Variants in TGS1 observed in about 807,000 individuals in gnomAD.
TGS1 encodes trimethylguanosine synthase 1.
In TGS1, 69 loss-of-function variants were observed where a neutral mutation model predicts 92.2. The ratio of observed to expected loss-of-function variants is 0.75; its 90% CI spans 0.62 to 0.91. The LOEUF is 0.91. TGS1 is among the 40% of genes least tolerant of loss of function. TGS1 has a pLI of 0.00. For synonymous variants in TGS1, 345 were observed against 338.1 expected (o/e 1.02, Z -0.22); for missense variants, 1,062 against 1,001.2 (o/e 1.06, Z -0.82).
rs1245382453 is a variant in TGS1, at chr8:55,789,389, ATTC to A, written c.1163-787_1163-785del. Among the ~76,000 whole-genome samples, 8 of 152,278 alleles carry A rather than the reference ATTC, an allele frequency of 5.3e-5. No homozygotes were observed. In the South Asian group the frequency reaches 1.2e-3, roughly 24 times the overall value. ...CTATATTAAAGGCAAATGAAGAGAAATTCTTCTTAATCAATGTGATTATGCCCC... is the reference window on the plus strand; with the variant it reads ...CTATATTAAAGGCAAATGAAGAGAAATTCTTAATCAATGTGATTATGCCCC... On this transcript the variant is annotated intron_variant, in intron 4 of 12. Coordinates refer to ENST00000260129, the MANE Select transcript of TGS1 (RefSeq NM_024831.8).
At chr8:55,775,851 A>G (rs1397118066) in intron 1 of TGS1, among the ~76,000 whole-genome samples, 1 of 152,122 alleles carries the variant, frequency 6.6e-6, no homozygotes, top group Non-Finnish European at 1.5e-5. Flanking sequence ...TTTAAAGACA[A>G]GAAGAGATGG....
At chr8:55,812,753 G>C (rs1445429329) in intron 11 of TGS1, among the ~76,000 whole-genome samples, 1 of 152,102 alleles carries the variant, frequency 6.6e-6, no homozygotes, top group Admixed American at 6.5e-5. Context: ...ATAAAATTTA[G>C]AGTGTAGACT....
In TGS1 at chr8:55,782,801, G is replaced by A. The variant is rs1316954974; in HGVS notation, c.155G>A (p.Gly52Asp). The A allele has an allele frequency of 1.2e-6, 2 of 1,608,270 alleles. No homozygotes were observed. The highest frequency in any genetic ancestry group is 8.5e-7 in the Non-Finnish European group (1 of 1,177,034). Residue 52 changes from glycine (G) to aspartate (D), a missense_variant, in exon 2 of 13, where the codon GGC becomes GAC. Coordinates refer to ENST00000260129, the MANE Select transcript of TGS1 (RefSeq NM_024831.8). The part of the protein sequence containing the change: ...GLKGYYIRDS[G>D]NNSGDQATEE... ...AAAGGCTATTACATCAGAGACAGTGGCAACAATTCAGGTAATATAGTATAA... is the reference window on the plus strand; with the variant it reads ...AAAGGCTATTACATCAGAGACAGTGACAACAATTCAGGTAATATAGTATAA...
chr8:55,774,310 A>G (rs977361331), intron 1 of TGS1, among the ~76,000 whole-genome samples: 3 of 152,206 alleles, frequency 2.0e-5, no homozygotes, highest in Admixed American at 2.0e-4. Flanking sequence ...TGTTTCCTTT[A>G]TATTAAATGC....
In TGS1 at chr8:55,777,689, A is replaced by G. The variant is rs1811439238; in HGVS notation, c.101+3970A>G. 1.3e-5 allele frequency among the ~76,000 whole-genome samples: 2 copies of G among 151,928 alleles called. 1 individual carries two copies. The highest frequency in any genetic ancestry group is 4.2e-4 in the South Asian group (2 of 4,818). ...CAAGTAGCTGGGATTACAGGAGTGC[A>G]CCACCATACCCGGCTAATTTCTGTA... On this transcript the variant is annotated intron_variant, in intron 1 of 12. Transcript: ENST00000260129.
intron 1 of TGS1, among the ~76,000 whole-genome samples, chr8:55,778,851 A>G (rs983009041): frequency 6.6e-6 from 1 of 152,226 alleles, no homozygotes; most frequent in Admixed American, 6.5e-5. Flanking sequence ...TATATTCAGC[A>G]TTTATTTCAG....
rs781626463 is a variant in TGS1 at position 55,796,044 on chromosome 8, G to A, written c.1434G>A (p.Lys478=). The change falls in exon 7 of 13, where the codon AAG becomes AAA. Residue 478 remains lysine, a synonymous_variant. Transcript: ENST00000260129. The part of the protein sequence containing the change: ...VRYLEKNVKL[K]SKYLDMRRQI... ...ATTTAGAGAAGAATGTGAAGCTTAA[G>A]TCTAAGTACCTAGACATGCGCAGAC... 3 of 1,613,396 alleles carry A rather than the reference G, an allele frequency of 1.9e-6. No individual in the cohort carries two copies. The highest frequency in any genetic ancestry group is 2.7e-5 in the African/African-American group (2 of 74,906).
intron 12 of TGS1, among the ~76,000 whole-genome samples, chr8:55,822,597 G>A (rs1223546924): frequency 2.0e-5 from 3 of 147,656 alleles, no homozygotes; most frequent in Non-Finnish European, 3.0e-5. Flanking sequence ...CTGGCATAAA[G>A]ATACCAAAAT....
chr8:55,786,800 T>G lies in TGS1; in HGVS notation c.902T>G (p.Met301Arg), dbSNP rs767655821. 5.0e-6 allele frequency: 8 copies of G among 1,614,184 alleles called. No homozygotes were observed. In the South Asian group the frequency reaches 8.8e-5, roughly 18 times the overall value. ...GTATCTTTTCCATCTTCACCTATTA[T>G]GGTTGATAATGATAGCTCTGGTACA... The part of the protein sequence containing the change: ...DLVSFPSSPI[M>R]VDNDSSGTSD... Residue 301 changes from methionine to arginine, a missense_variant, in exon 4 of 13, where the codon ATG becomes AGG. Transcript: ENST00000260129.
At chr8:55,821,475 C>T (rs1188003520) in intron 12 of TGS1, among the ~76,000 whole-genome samples, 18 of 152,170 alleles carry the variant, frequency 1.2e-4, no homozygotes, top group Non-Finnish European at 2.9e-5. Context: ...TAATCCCAAG[C>T]ACCCACATCT....
intron 12 of TGS1, among the ~76,000 whole-genome samples, chr8:55,823,869 C>G (rs1359335720): frequency 6.6e-6 from 1 of 152,082 alleles, no homozygotes; most frequent in Non-Finnish European, 1.5e-5. Context: ...AATCCCAGCA[C>G]TTTGGGAGGC....
intron 10 of TGS1, among the ~76,000 whole-genome samples, chr8:55,809,453 A>AT (rs11450515): frequency 0.48 from 70,499 of 145,724 alleles, 16,821 homozygotes; most frequent in East Asian, 0.58. Context: ...ATTTGTCAGC[A>AT]TTTTTTTTTT....
At position 55,773,515 on chromosome 8, in the gene TGS1, C is replaced by A; in HGVS notation, c.-104C>A. ...GCGGGCCAGTTTCTATCTCCTCATC[C>A]AGGGCTTGCGGGCGAGGCCTGTTTT... On this transcript the variant is annotated 5_prime_UTR_variant, in exon 1 of 13. Coordinates refer to ENST00000260129, the MANE Select transcript of TGS1 (RefSeq NM_024831.8). 1 of 809,166 alleles carries A rather than the reference C, an allele frequency of 1.2e-6. No individual in the cohort carries two copies. The highest frequency in any genetic ancestry group is 2.9e-5 in the East Asian group (1 of 35,008). 50.1% of individuals were successfully genotyped at this position (809,166 alleles called of 1,614,324 possible). A position where few individuals can be genotyped will look rare whatever the true frequency, so the allele number is the denominator to read the frequency against.
rs201183129 is a variant in TGS1, at chr8:55,776,809, ACT to A, written c.101+3094_101+3095del. On this transcript the variant is annotated intron_variant, in intron 1 of 12. Transcript: ENST00000260129. Reference sequence around the variant, plus strand: ...TGTTCTACATTTTGTACTGACAGAGACTCTCCTTAACCAGACTTTACACAGGC... The same window carrying A: ...TGTTCTACATTTTGTACTGACAGAGACTCCTTAACCAGACTTTACACAGGC... Among the ~76,000 whole-genome samples, 772 of 152,086 alleles carry A rather than the reference ACT, an allele frequency of 5.1e-3. 5 individuals are homozygous for A. Among genetic ancestry groups the A allele is most frequent in the African/African-American group, 0.017 (709 of 41,444 alleles).
At chr8:55,816,045 C>G (rs367728645) in intron 12 of TGS1, among the ~76,000 whole-genome samples, 2 of 151,962 alleles carry the variant, frequency 1.3e-5, no homozygotes, top group African/African-American at 4.8e-5. Context: ...CCTCAAATTC[C>G]TGGGCTCAAG....
At chr8:55,793,047 C>T (rs920980785) in intron 6 of TGS1, among the ~76,000 whole-genome samples, 3 of 152,162 alleles carry the variant, frequency 2.0e-5, no homozygotes, top group Non-Finnish European at 4.4e-5. Flanking sequence ...TTTGACTTTA[C>T]TGGAGAGGGA....
At chr8:55,805,830 C>T (rs1200153596) in intron 10 of TGS1, among the ~76,000 whole-genome samples, 3 of 148,886 alleles carry the variant, frequency 2.0e-5, no homozygotes, top group Admixed American at 1.4e-4. Context: ...TGCAGTGAGC[C>T]GAGATCATGC....
intron 8 of TGS1, among the ~76,000 whole-genome samples, chr8:55,799,667 C>T (rs189084431): frequency 1.3e-5 from 2 of 152,108 alleles, no homozygotes; most frequent in Admixed American, 1.3e-4. Flanking sequence ...ATCCTTGACC[C>T]CCAGGGTTCA....
At position 55,825,091 on chromosome 8, in the gene TGS1, T is replaced by C. The variant is rs940969114; in HGVS notation, c.*388T>C. The C allele has an allele frequency of 6.3e-6, 1 of 158,952 alleles. No homozygotes were observed. Among genetic ancestry groups the C allele is most frequent in the Non-Finnish European group, 1.4e-5 (1 of 72,580 alleles). The allele number at this position is 158,952 out of a possible 1,614,324, so 9.8% of individuals were successfully genotyped here. On this transcript the variant is annotated 3_prime_UTR_variant, in exon 13 of 13. Coordinates refer to ENST00000260129, the MANE Select transcript of TGS1 (RefSeq NM_024831.8). ...TGGGCACTGCCACACCGTACTAATTTTTGTATTTTTTGTAGAGACGAGGTC... is the reference window on the plus strand; with the variant it reads ...TGGGCACTGCCACACCGTACTAATTCTTGTATTTTTTGTAGAGACGAGGTC...
Sources: allele counts gnomAD v4.1 joint callset (sites outside exome capture counted in the v4.1 genomes callset), GRCh38; gene constraint gnomAD v4.1.1; transcripts MANE v1.5; gene names NCBI Gene and HGNC (gene_info 2026-07-23, HGNC 2026-07-21).